MAP2K1: variants seen among roughly 807,000 people sequenced by gnomAD.
The protein encoded by MAP2K1 is mitogen-activated protein kinase kinase 1.
MAP2K1 carries 16 observed loss-of-function variants against 46.3 expected under a neutral mutation model. The observed-to-expected ratio is 0.35, with a 90% CI of 0.23 to 0.52. MAP2K1 has a LOEUF of 0.52. MAP2K1 is among the 20% of genes least tolerant of loss of function. MAP2K1 has a pLI of 0.94. For missense variants in MAP2K1, 263 were observed against 497.1 expected, an observed-to-expected ratio of 0.53 and a Z score of 4.48; for synonymous variants, 183 against 185.6, an observed-to-expected ratio of 0.99 and a Z score of 0.11.
In MAP2K1 at chr15:66,412,094, C is replaced by A. The variant is rs369717947; in HGVS notation, c.81-22933C>A. On this transcript the variant is annotated intron_variant, in intron 1 of 10. Coordinates refer to ENST00000307102, the MANE Select transcript of MAP2K1 (RefSeq NM_002755.4). Reference sequence around the variant, plus strand: ...CAATTTTGCAAATAAAAATAACCCTCAAAAATCCAGTAATGTGTATGTGAA... The same window carrying A: ...CAATTTTGCAAATAAAAATAACCCTAAAAAATCCAGTAATGTGTATGTGAA... Among the ~76,000 whole-genome samples, 7 of 152,312 alleles carry A rather than the reference C, an allele frequency of 4.6e-5. No individual in the cohort carries two copies. The East Asian group carries it at 5.8e-4, about 13-fold the overall frequency.
rs1326124619 is a variant in MAP2K1 at position 66,435,180 on chromosome 15, T to C, written c.234T>C (p.Asn78=). ...FEKISELGAG[N]GGVVFKVSHK... ...AGATCAGTGAGCTGGGGGCTGGCAA[T>C]GGCGGTGTGGTGTTCAAGGTCTCCC... Residue 78 remains asparagine, a synonymous_variant, in exon 2 of 11, where the codon AAT becomes AAC. Coordinates refer to ENST00000307102, the MANE Select transcript of MAP2K1 (RefSeq NM_002755.4). 2.5e-6 allele frequency: 4 copies of C among 1,613,884 alleles called. No individual in the cohort carries two copies. The highest frequency in any genetic ancestry group is 3.3e-5 in the Admixed American group (2 of 59,986).
chr15:66,446,664 TTC>T, intron 5 of MAP2K1: 1 of 404,086 alleles, frequency 2.5e-6, no homozygotes. Context: ...CCAAATAGAA[TTC>T]TGTTTCATCT....
At chr15:66,415,189 A>G in intron 1 of MAP2K1, 1 of 515,176 alleles carries the variant, frequency 1.9e-6, no homozygotes, top group Non-Finnish European at 3.9e-6. Context: ...CACTGGTATG[A>G]CTGATGCCAT....
At chr15:66,394,563 C>T (rs971484375) in intron 1 of MAP2K1, among the ~76,000 whole-genome samples, 2 of 150,664 alleles carry the variant, frequency 1.3e-5, no homozygotes, top group Non-Finnish European at 2.9e-5. Context: ...TCAGGGAATC[C>T]TCCTGCTTCA....
chr15:66,452,311 A>AAG (rs1194340148), intron 5 of MAP2K1, among the ~76,000 whole-genome samples: 1 of 149,638 alleles, frequency 6.7e-6, no homozygotes, highest in African/African-American at 2.4e-5. Context: ...AAAGAAAAAA[A>AAG]AAAGCTAAAT....
chr15:66,455,347 A>T (rs1892140291), intron 5 of MAP2K1, among the ~76,000 whole-genome samples: 1 of 152,170 alleles, frequency 6.6e-6, no homozygotes, highest in Non-Finnish European at 1.5e-5. Context: ...CAAAGCATTC[A>T]CTCTAGGTAG....
intron 5 of MAP2K1, among the ~76,000 whole-genome samples, chr15:66,477,723 C>A (rs531428364): frequency 6.6e-6 from 1 of 152,072 alleles, no homozygotes; most frequent in East Asian, 1.9e-4. Context: ...GAGTGTGGGC[C>A]GGGTGAGGGA....
At chr15:66,478,364 CAT>C (rs34815037) in intron 5 of MAP2K1, among the ~76,000 whole-genome samples, 7,985 of 133,338 alleles carry the variant, frequency 0.06, 334 homozygotes, top group Middle Eastern at 0.12. Flanking sequence ...TATATACACA[CAT>C]ATATGTTAAA....
intron 5 of MAP2K1, among the ~76,000 whole-genome samples, chr15:66,465,093 C>T (rs901876746): frequency 1.3e-5 from 2 of 151,650 alleles, no homozygotes; most frequent in African/African-American, 4.8e-5. Context: ...GGCATGGTGG[C>T]GCATGCCTGT....
chr15:66,400,590 A>T (rs1375644228), intron 1 of MAP2K1, among the ~76,000 whole-genome samples: 2 of 151,998 alleles, frequency 1.3e-5, no homozygotes, highest in Non-Finnish European at 2.9e-5. Flanking sequence ...CTGCAACTTG[A>T]TTGTGTTTTT....
At chr15:66,403,720 T>A (rs1043099337) in intron 1 of MAP2K1, among the ~76,000 whole-genome samples, 2 of 152,218 alleles carry the variant, frequency 1.3e-5, no homozygotes, top group African/African-American at 4.8e-5. Flanking sequence ...TTTTACAGGT[T>A]TGTCCGAATC....
At chr15:66,406,822 G>C (rs899298193) in intron 1 of MAP2K1, among the ~76,000 whole-genome samples, 1 of 151,980 alleles carries the variant, frequency 6.6e-6, no homozygotes, top group African/African-American at 2.4e-5. Context: ...CCTGAGCTCC[G>C]CAGTTTGAGA....
chr15:66,387,343 C>A lies in MAP2K1; in HGVS notation c.-5C>A. ...GGAGTTGGAAGCGCGTTACCCGGGTCCAAAATGCCCAAGAAGAAGCCGACG... is the reference window on the plus strand; with the variant it reads ...GGAGTTGGAAGCGCGTTACCCGGGTACAAAATGCCCAAGAAGAAGCCGACG... On this transcript the variant is annotated 5_prime_UTR_variant, in exon 1 of 11. Transcript: ENST00000307102. The A allele has an allele frequency of 6.4e-7, 1 of 1,558,340 alleles. No individual in the cohort carries two copies. Among genetic ancestry groups the A allele is most frequent in the Non-Finnish European group, 8.7e-7 (1 of 1,150,482 alleles).
intron 1 of MAP2K1, among the ~76,000 whole-genome samples, chr15:66,424,571 T>C (rs187674025): frequency 1.7e-4 from 26 of 152,332 alleles, no homozygotes; most frequent in African/African-American, 5.5e-4. Context: ...TGGGTTTTTA[T>C]CTTGCACTTA....
intron 1 of MAP2K1, among the ~76,000 whole-genome samples, chr15:66,418,787 C>G (rs1057416767): frequency 1.3e-5 from 2 of 151,788 alleles, no homozygotes; most frequent in Non-Finnish European, 2.9e-5. Context: ...CTCAGCCTCC[C>G]GAGCACCCGC....
At chr15:66,392,110 T>TCTCTTGGTCAACA in intron 1 of MAP2K1, among the ~76,000 whole-genome samples, 1 of 152,250 alleles carries the variant, frequency 6.6e-6, no homozygotes, top group East Asian at 1.9e-4. Flanking sequence ...ATTCAGGCTC[T>TCTCTTGGTCAACA]TAAAGTTTTG....
chr15:66,422,040 C>A (rs12440176), intron 1 of MAP2K1, among the ~76,000 whole-genome samples: 2 of 151,936 alleles, frequency 1.3e-5, no homozygotes, highest in Admixed American at 1.3e-4. Flanking sequence ...AGTCATTGCC[C>A]CAGAATCACT....
At chr15:66,474,169 G>A (rs1892703901) in intron 5 of MAP2K1, among the ~76,000 whole-genome samples, 1 of 152,062 alleles carries the variant, frequency 6.6e-6, no homozygotes, top group Non-Finnish European at 1.5e-5. Flanking sequence ...AATGAGGCTT[G>A]GAAGGGAAGG....
intron 1 of MAP2K1, among the ~76,000 whole-genome samples, chr15:66,388,942 T>C (rs1453813441): frequency 6.8e-6 from 1 of 147,334 alleles, no homozygotes; most frequent in Admixed American, 6.8e-5. Context: ...GTTTCACTCT[T>C]GTTGCCCAGG....
Sources: gnomAD v4.1 joint callset for allele counts (sites outside exome capture counted in the v4.1 genomes callset) on GRCh38, gnomAD v4.1.1 for gene constraint, MANE v1.5 for transcripts, NCBI Gene and HGNC (gene_info 2026-07-23, HGNC 2026-07-21) for gene names.